The following ADAMTSL1 variants were observed in gnomAD, a reference collection of about 807,000 sequenced individuals.
ADAMTSL1 encodes the protein ADAMTS like 1.
A neutral mutation model predicts 201.8 loss-of-function variants in ADAMTSL1; 126 were observed. That is an observed-to-expected ratio of 0.62 (90% CI 0.54 to 0.72). ADAMTSL1 has a LOEUF of 0.72. ADAMTSL1 is among the 30% of genes least tolerant of loss of function. ADAMTSL1 has a pLI of 0.00. For synonymous variants in ADAMTSL1, 1,121 were observed against 903.4 expected (o/e 1.24, Z -4.32); for missense variants, 2,679 against 2,277.8 (o/e 1.18, Z -3.59).
At chr9:18,828,979 T>G (rs914327448) in intron 22 of ADAMTSL1, among the ~76,000 whole-genome samples, 1 of 151,796 alleles carries the variant, frequency 6.6e-6, no homozygotes. Flanking sequence ...CAACAAGTGC[T>G]CTGGAGAAAA....
chr9:18,447,344 G>C (rs1200056155), intron 2 of ADAMTSL1, among the ~76,000 whole-genome samples: 1 of 152,110 alleles, frequency 6.6e-6, no homozygotes, highest in Non-Finnish European at 1.5e-5. Context: ...TGCCGTGTTT[G>C]GTTTGGTGCT....
At chr9:18,603,135 T>C (rs1824768652) in intron 4 of ADAMTSL1, among the ~76,000 whole-genome samples, 1 of 152,192 alleles carries the variant, frequency 6.6e-6, no homozygotes, top group Non-Finnish European at 1.5e-5. Flanking sequence ...TCATTAATAG[T>C]AATGGTAGGT....
chr9:18,761,824 A>T, intron 16 of ADAMTSL1, among the ~76,000 whole-genome samples: 1 of 152,224 alleles, frequency 6.6e-6, no homozygotes, highest in South Asian at 2.1e-4. Context: ...ATTTGAGAAC[A>T]CAGACAAGAT....
chr9:18,244,979 T>C (rs993463008), intron 2 of ADAMTSL1, among the ~76,000 whole-genome samples: 1 of 152,210 alleles, frequency 6.6e-6, no homozygotes, highest in Non-Finnish European at 1.5e-5. Context: ...TACTAAAAAG[T>C]AATGCTGTGT....
At chr9:18,126,564 G>C (rs1825737902) in intron 1 of ADAMTSL1, among the ~76,000 whole-genome samples, 1 of 152,138 alleles carries the variant, frequency 6.6e-6, no homozygotes, top group Admixed American at 6.6e-5. Context: ...CTTGTAGTAG[G>C]CTTGCAATAG....
At chr9:18,638,272 A>G (rs1407513278) in intron 6 of ADAMTSL1, among the ~76,000 whole-genome samples, 2 of 152,092 alleles carry the variant, frequency 1.3e-5, no homozygotes, top group Non-Finnish European at 2.9e-5. Flanking sequence ...ATAATGTAAT[A>G]CAAGTACTTT....
chr9:18,791,251 G>A (rs1160573064), intron 19 of ADAMTSL1, among the ~76,000 whole-genome samples: 1 of 152,118 alleles, frequency 6.6e-6, no homozygotes, highest in Non-Finnish European at 1.5e-5. Flanking sequence ...CCCTGCATGG[G>A]ACCCCCCTCC....
chr9:18,541,180 A>C (rs1013495538), intron 3 of ADAMTSL1, among the ~76,000 whole-genome samples: 1 of 152,194 alleles, frequency 6.6e-6, no homozygotes, highest in Non-Finnish European at 1.5e-5. Context: ...CAGAGTCTGC[A>C]TGCATTCTGC....
At position 18,290,883 on chromosome 9, in the gene ADAMTSL1, G is replaced by T. The variant is rs546053087; in HGVS notation, c.207+126902G>T. ...TACAAGCTCTGCCTCCCAGGTTCAC[G>T]CCATTCTCCTGCCTCAGCCTCCCAA... On this transcript the variant is annotated intron_variant, in intron 2 of 29. Transcript: ENST00000680146. Among the ~76,000 whole-genome samples the T allele has an allele frequency of 8.2e-4, 123 of 150,916 alleles. 1 individual carries two copies. The highest frequency in any genetic ancestry group is 3.0e-3 in the African/African-American group (121 of 40,892).
chr9:18,890,781 T>C, intron 25 of ADAMTSL1: 1 of 349,426 alleles, frequency 2.9e-6, no homozygotes, highest in Non-Finnish European at 5.6e-6. Context: ...TAAAAGTTGA[T>C]GGAAATGCAG....
In ADAMTSL1 at chr9:18,525,315, A is replaced by G. The variant is rs544610435; in HGVS notation, c.192-7932A>G. Among the ~76,000 whole-genome samples the G allele has an allele frequency of 3.9e-5, 6 of 152,092 alleles. No homozygotes were observed. In the East Asian group the frequency reaches 1.2e-3, roughly 29 times the overall value. On this transcript the variant is annotated intron_variant, in intron 2 of 28. Transcript: ENST00000380548. ...CCCTTTATCATTTTTTATTGCATCT[A>G]TTTGATTCTTCTCTCTTTTCTTCTT...
chr9:18,573,493 A>T (rs1334513937), intron 3 of ADAMTSL1: 1 of 155,662 alleles, frequency 6.4e-6, no homozygotes, highest in African/African-American at 2.4e-5. Context: ...TTTGTTCCCC[A>T]TGTTTAATTC....
At chr9:18,890,729 C>CA (rs1554658968) in intron 25 of ADAMTSL1, 5 of 356,084 alleles carry the variant, frequency 1.4e-5, no homozygotes, top group East Asian at 8.1e-5. Flanking sequence ...AAACCCCCCC[C>CA]ACCCCAGCTC....
intron 2 of ADAMTSL1, among the ~76,000 whole-genome samples, chr9:18,174,983 C>T (rs1277939089): frequency 6.6e-6 from 1 of 152,118 alleles, no homozygotes; most frequent in Non-Finnish European, 1.5e-5. Context: ...AATTAAAGAT[C>T]TATATTGTTT....
intron 2 of ADAMTSL1, among the ~76,000 whole-genome samples, chr9:18,216,893 C>T (rs915915149): frequency 2.6e-5 from 4 of 152,004 alleles, no homozygotes; most frequent in Admixed American, 6.6e-5. Flanking sequence ...CCTGACTTTA[C>T]CCCTTACCAG....
intron 23 of ADAMTSL1, among the ~76,000 whole-genome samples, chr9:18,865,428 T>C (rs1827468690): frequency 6.6e-6 from 1 of 152,222 alleles, no homozygotes; most frequent in South Asian, 2.1e-4. Context: ...ATTTTCTTAA[T>C]CCAGTCTATC....
At chr9:18,429,581 C>G (rs562211377) in intron 2 of ADAMTSL1, among the ~76,000 whole-genome samples, 1 of 151,934 alleles carries the variant, frequency 6.6e-6, no homozygotes, top group African/African-American at 2.4e-5. Flanking sequence ...TTCCCTCAAT[C>G]CTGGAAAAAA....
chr9:18,545,632 G>T (rs576146450), intron 3 of ADAMTSL1, among the ~76,000 whole-genome samples: 21 of 152,228 alleles, frequency 1.4e-4, no homozygotes, highest in Admixed American at 3.9e-4. Context: ...TCCTTTGAGC[G>T]TCTCTGCCTG....
chr9:18,287,068 T>TTA (rs1833017948), intron 2 of ADAMTSL1, among the ~76,000 whole-genome samples: 1 of 152,146 alleles, frequency 6.6e-6, no homozygotes, highest in African/African-American at 2.4e-5. Context: ...CATTCTTCTG[T>TTA]TATATGTCTG....
Sources: gnomAD v4.1 joint callset for allele counts (sites outside exome capture counted in the v4.1 genomes callset) on GRCh38, gnomAD v4.1.1 for gene constraint, MANE v1.5 for transcripts, NCBI Gene and HGNC (gene_info 2026-07-23, HGNC 2026-07-21) for gene names.